Variants in CEP128 observed in about 807,000 individuals in gnomAD.
CEP128 encodes centrosomal protein 128kDa.
A neutral mutation model predicts 156.7 loss-of-function variants in CEP128; 132 were observed. That is an observed-to-expected ratio of 0.84 (90% CI 0.73 to 0.97). The LOEUF is 0.97. CEP128 is among the 50% of genes least tolerant of loss of function. The probability of loss-of-function intolerance (pLI) is 0.00; values close to 1 mark genes in which losing one functional copy is unlikely to be tolerated. For missense variants in CEP128, 1,252 were observed against 1,281.9 expected (o/e 0.98, Z 0.36); for synonymous variants, 469 against 448.9 (o/e 1.04, Z -0.57).
chr14:80,638,671 C>T lies in CEP128; in HGVS notation c.2807-58248G>A, dbSNP rs8016441. Among the ~76,000 whole-genome samples, 760 of 152,218 alleles carry T rather than the reference C, an allele frequency of 5.0e-3. 14 individuals are homozygous for T. The highest frequency in any genetic ancestry group is 0.017 in the African/African-American group (714 of 41,520). On this transcript the variant is annotated intron_variant, in intron 19 of 24. Coordinates refer to ENST00000555265, the MANE Select transcript of CEP128 (RefSeq NM_152446.5). ...TACAATGAGACAGCGAATTCCAACA[C>T]GGTAGGGGCAGTGACTAGCATATAG...
chr14:80,710,780 AC>A (rs555538593), intron 19 of CEP128, among the ~76,000 whole-genome samples: 132 of 152,252 alleles, frequency 8.7e-4, no homozygotes, highest in African/African-American at 3.1e-3. Flanking sequence ...AAAAAATCAA[AC>A]GTGATTTTGA....
chr14:80,563,098 G>T (rs1044481343), intron 20 of CEP128, among the ~76,000 whole-genome samples: 6 of 152,124 alleles, frequency 3.9e-5, no homozygotes, highest in Middle Eastern at 3.2e-3. Flanking sequence ...AGCTGCCTTT[G>T]TAATTTTTCC....
intron 13 of CEP128, among the ~76,000 whole-genome samples, chr14:80,801,905 C>A (rs1883882431): frequency 2.5e-5 from 1 of 40,024 alleles, no homozygotes; most frequent in Non-Finnish European, 5.7e-5. Flanking sequence ...GAGACTCTGT[C>A]TCCCCAAAAA....
At chr14:80,755,653 G>A (rs1899618323) in intron 18 of CEP128, among the ~76,000 whole-genome samples, 3 of 152,180 alleles carry the variant, frequency 2.0e-5, no homozygotes, top group African/African-American at 7.2e-5. Context: ...TATCTGAAGA[G>A]CAATTCTACT....
intron 8 of CEP128, among the ~76,000 whole-genome samples, chr14:80,876,540 T>C (rs1348720881): frequency 6.7e-6 from 1 of 150,182 alleles, no homozygotes; most frequent in African/African-American, 2.5e-5. Context: ...AAGGTTGCAG[T>C]GAGTCGAGAT....
chr14:80,715,614 G>A (rs1897575148), intron 19 of CEP128, among the ~76,000 whole-genome samples: 1 of 152,156 alleles, frequency 6.6e-6, no homozygotes, highest in African/African-American at 2.4e-5. Flanking sequence ...CAAACAGAAG[G>A]AGCAAGTGCA....
chr14:80,686,028 C>G (rs571216313), intron 19 of CEP128, among the ~76,000 whole-genome samples: 1 of 152,114 alleles, frequency 6.6e-6, no homozygotes, highest in South Asian at 2.1e-4. Flanking sequence ...CTAGGAAACA[C>G]CATTATGAAC....
At chr14:80,890,197 C>A (rs187895709) in intron 8 of CEP128, among the ~76,000 whole-genome samples, 13 of 152,266 alleles carry the variant, frequency 8.5e-5, no homozygotes, top group African/African-American at 2.6e-4. Context: ...ATTAGTTCAA[C>A]CTTTGTGGAA....
At chr14:80,911,858 A>T (rs1884238726) in intron 4 of CEP128, among the ~76,000 whole-genome samples, 1 of 152,238 alleles carries the variant, frequency 6.6e-6, no homozygotes, top group Non-Finnish European at 1.5e-5. Context: ...AGAGTTTGTC[A>T]TTCCCTAAAC....
intron 15 of CEP128, among the ~76,000 whole-genome samples, chr14:80,779,053 C>T (rs1900954406): frequency 6.6e-6 from 1 of 152,194 alleles, no homozygotes; most frequent in African/African-American, 2.4e-5. Context: ...AACTACGCCA[C>T]ACTTCCTCCC....
chr14:80,701,704 T>A (rs1266502343), intron 19 of CEP128, among the ~76,000 whole-genome samples: 2 of 152,200 alleles, frequency 1.3e-5, no homozygotes, highest in Non-Finnish European at 2.9e-5. Context: ...ACTCTATCAG[T>A]CTTCCCATCT....
At chr14:80,536,861 G>C (rs997844314) in intron 21 of CEP128, among the ~76,000 whole-genome samples, 1 of 152,136 alleles carries the variant, frequency 6.6e-6, no homozygotes, top group Non-Finnish European at 1.5e-5. Flanking sequence ...TTTATGAGCG[G>C]TCTAAAAAAT....
chr14:80,932,450 G>C (rs1018342542), intron 2 of CEP128, among the ~76,000 whole-genome samples: 3 of 152,202 alleles, frequency 2.0e-5, no homozygotes, highest in African/African-American at 7.2e-5. Context: ...ACCTCTATAT[G>C]TTCTGGATTT....
chr14:80,856,408 A>C (rs1218632697), intron 9 of CEP128, among the ~76,000 whole-genome samples: 1 of 152,142 alleles, frequency 6.6e-6, no homozygotes, highest in Admixed American at 6.5e-5. Context: ...CAAGTTGGGA[A>C]GCTGAGACAG....
At chr14:80,833,565 GAA>G (rs935697159) in intron 12 of CEP128, among the ~76,000 whole-genome samples, 2 of 146,744 alleles carry the variant, frequency 1.4e-5, no homozygotes. Flanking sequence ...CAAATTTGGG[GAA>G]AAAAAAAAAT....
chr14:80,502,105 G>A (rs1887764638), intron 24 of CEP128, among the ~76,000 whole-genome samples: 1 of 152,142 alleles, frequency 6.6e-6, no homozygotes, highest in Non-Finnish European at 1.5e-5. Flanking sequence ...CACTGCCTAT[G>A]GGGTAGGCCT....
chr14:80,850,009 A>G (rs1191740073), intron 9 of CEP128, among the ~76,000 whole-genome samples: 2 of 152,182 alleles, frequency 1.3e-5, no homozygotes, highest in Non-Finnish European at 2.9e-5. Context: ...CTCATATCAA[A>G]TTATAATCTG....
At chr14:80,864,541 A>G (rs537849125) in intron 8 of CEP128, among the ~76,000 whole-genome samples, 1 of 152,204 alleles carries the variant, frequency 6.6e-6, no homozygotes, top group South Asian at 2.1e-4. Context: ...GAGTTACTAT[A>G]CTTGGAAGAT....
intron 16 of CEP128, among the ~76,000 whole-genome samples, chr14:80,777,127 A>G (rs951910465): frequency 6.6e-6 from 1 of 152,210 alleles, no homozygotes; most frequent in African/African-American, 2.4e-5. Flanking sequence ...AAAGGGAGCA[A>G]TAAAACCTAA....
Sources: allele counts gnomAD v4.1 joint callset (sites outside exome capture counted in the v4.1 genomes callset), GRCh38; gene constraint gnomAD v4.1.1; transcripts MANE v1.5; gene names NCBI Gene and HGNC (gene_info 2026-07-23, HGNC 2026-07-21).